Variants in MFHAS1 observed in about 807,000 individuals in gnomAD.
The protein encoded by MFHAS1 is multifunctional ROCO family signaling regulator 1.
In MFHAS1, 50 loss-of-function variants were observed where a neutral mutation model predicts 70.4. That is an observed-to-expected ratio of 0.71 (90% CI 0.57 to 0.90). MFHAS1 has a LOEUF of 0.90. Among genes scored for constraint, MFHAS1 ranks in the 40% least tolerant of loss-of-function variants. The pLI is 0.00. For missense variants in MFHAS1, 1,795 were observed against 1,347.6 expected, an observed-to-expected ratio of 1.33 and a Z score of -5.20; for synonymous variants, 952 against 620.0, an observed-to-expected ratio of 1.54 and a Z score of -7.96.
At chr8:8,862,158 A>G (rs77625846) in intron 1 of MFHAS1, among the ~76,000 whole-genome samples, 3,927 of 152,310 alleles carry the variant, frequency 0.026, 174 homozygotes, top group African/African-American at 0.09. Flanking sequence ...GCAGCGTAGG[A>G]AAGCTCCAGT....
chr8:8,827,230 T>C (rs1024288434), intron 1 of MFHAS1, among the ~76,000 whole-genome samples: 10 of 152,246 alleles, frequency 6.6e-5, no homozygotes, highest in African/African-American at 2.2e-4. Flanking sequence ...TTTGCTAGTA[T>C]AAATGCTATT....
intron 1 of MFHAS1, among the ~76,000 whole-genome samples, chr8:8,827,858 T>A (rs1305755725): frequency 1.3e-5 from 2 of 152,232 alleles, no homozygotes; most frequent in Non-Finnish European, 2.9e-5. Flanking sequence ...GTCTAATAAT[T>A]TTTATGAGTT....
rs779997040 is a variant in MFHAS1, at chr8:8,891,520, A to T, written c.1539T>A (p.Pro513=). The T allele has an allele frequency of 6.2e-7, 1 of 1,612,940 alleles. No homozygotes were observed. Among genetic ancestry groups the T allele is most frequent in the Non-Finnish European group, 8.5e-7 (1 of 1,180,022 alleles). The change falls in exon 1 of 3, where the codon CCT becomes CCA. Residue 513 remains proline (P), a synonymous_variant. Transcript: ENST00000276282. This position sits in a 1 kb window ranked among gnomAD's most constrained non-coding sequence, Gnocchi z 5.4. ...NLATYEPRHF[P]TTVGSFLHRV... ...GATGCAAGAAGGAGCCCACGGTGGT[A>T]GGAAAGTGGCGAGGCTCATAGGTGG...
In MFHAS1 at chr8:8,843,489, G is replaced by A. The variant is rs796482414; in HGVS notation, c.2999-45998C>T. Among the ~76,000 whole-genome samples the A allele has an allele frequency of 3.3e-5, 5 of 152,350 alleles. 1 individual carries two copies. Among genetic ancestry groups the A allele is most frequent in the African/African-American group, 1.2e-4 (5 of 41,582 alleles). ...CCAGCTACTCAGGATGCTGAAGCAGGAGGATGGATTGAGCCCAGGAGGTTA... is the reference window on the plus strand; with the variant it reads ...CCAGCTACTCAGGATGCTGAAGCAGAAGGATGGATTGAGCCCAGGAGGTTA... On this transcript the variant is annotated intron_variant, in intron 1 of 2. Coordinates refer to ENST00000276282, the MANE Select transcript of MFHAS1 (RefSeq NM_004225.3).
intron 1 of MFHAS1, among the ~76,000 whole-genome samples, chr8:8,816,393 G>A (rs1406413754): frequency 2.0e-5 from 3 of 152,254 alleles, no homozygotes; most frequent in Admixed American, 6.5e-5. Flanking sequence ...TTGGGGTTAT[G>A]GCATGACCAT....
At chr8:8,872,002 G>A (rs370960851) in intron 1 of MFHAS1, among the ~76,000 whole-genome samples, 5 of 152,172 alleles carry the variant, frequency 3.3e-5, no homozygotes, top group East Asian at 3.8e-4. Flanking sequence ...CCAGAAATGA[G>A]CTAAATCAAA....
chr8:8,785,802 C>T lies in MFHAS1; in HGVS notation c.*220G>A. ...CTTGGAGGATCACAGTTCTGAGGTT[C>T]AGGTTGTAAAACATTTGCTCCATGT... On this transcript the variant is annotated 3_prime_UTR_variant, in exon 3 of 3. Coordinates refer to ENST00000276282, the MANE Select transcript of MFHAS1 (RefSeq NM_004225.3). 2 of 476,970 alleles carry T rather than the reference C, an allele frequency of 4.2e-6. No individual in the cohort carries two copies. The highest frequency in any genetic ancestry group is 7.6e-6 in the Non-Finnish European group (2 of 263,942). The allele number at this position is 476,970 out of a possible 1,614,324, so 29.5% of individuals were successfully genotyped here. A position where few individuals can be genotyped will look rare whatever the true frequency, so the allele number is the denominator to read the frequency against.
At chr8:8,874,100 T>C (rs1809195302) in intron 1 of MFHAS1, among the ~76,000 whole-genome samples, 1 of 152,118 alleles carries the variant, frequency 6.6e-6, no homozygotes, top group Non-Finnish European at 1.5e-5. Flanking sequence ...ACCACTTTGA[T>C]TTAGAGATTT....
chr8:8,889,515 T>C (rs1013603076), intron 1 of MFHAS1, among the ~76,000 whole-genome samples: 7 of 152,236 alleles, frequency 4.6e-5, no homozygotes, highest in African/African-American at 1.2e-4. Context: ...AGGGGATGGA[T>C]ACCGCATTTT....
intron 1 of MFHAS1, among the ~76,000 whole-genome samples, chr8:8,878,511 G>A (rs1809382432): frequency 6.6e-6 from 1 of 152,084 alleles, no homozygotes; most frequent in South Asian, 2.1e-4. Context: ...AGACTGATGT[G>A]ATGATTAACA....
chr8:8,869,908 T>C (rs1381785770), intron 1 of MFHAS1, among the ~76,000 whole-genome samples: 2 of 152,144 alleles, frequency 1.3e-5, no homozygotes, highest in South Asian at 2.1e-4. Flanking sequence ...TGGGGGCCTC[T>C]ATTGTTTATT....
chr8:8,891,495 G>A lies in MFHAS1; in HGVS notation c.1564C>T (p.Arg522Trp), dbSNP rs1810034059. Residue 522 changes from arginine (R) to tryptophan (W), a missense_variant, in exon 1 of 3, where the codon CGG becomes TGG. By Grantham distance (101) the Arg-to-Trp change is moderately radical (BLOSUM62 -3). Transcript: ENST00000276282. This position sits in a 1 kb window ranked among gnomAD's most constrained non-coding sequence, Gnocchi z 5.4. The part of the protein sequence containing the change: ...FPTTVGSFLH[R>W]VGARVPHAVV... ...GCGTGGGGCACTCTCGCCCCGACCC[G>A]ATGCAAGAAGGAGCCCACGGTGGTA... The A allele has an allele frequency of 1.2e-6, 2 of 1,613,094 alleles. No individual in the cohort carries two copies. Among genetic ancestry groups the A allele is most frequent in the Admixed American group, 1.7e-5 (1 of 60,034 alleles).
At chr8:8,877,055 T>C (rs1007506615) in intron 1 of MFHAS1, among the ~76,000 whole-genome samples, 1 of 152,096 alleles carries the variant, frequency 6.6e-6, no homozygotes, top group African/African-American at 2.4e-5. Flanking sequence ...ATCCCAGCAC[T>C]TTGAGAGGCC....
chr8:8,877,321 C>A lies in MFHAS1; in HGVS notation c.2998+12740G>T, dbSNP rs1459938198. 2.8e-3 allele frequency among the ~76,000 whole-genome samples: 133 copies of A among 46,818 alleles called. 1 individual carries two copies. The highest frequency in any genetic ancestry group is 6.8e-3 in the East Asian group (9 of 1,318). 30.7% of individuals were successfully genotyped at this position (46,818 alleles called of 152,430 possible). On this transcript the variant is annotated intron_variant, in intron 1 of 2. Transcript: ENST00000276282. ...TGCCTCAAAAAAAAAAAAAAAAAAA[C>A]TACGGTGTTCCATTAATGCAAATTT...
At chr8:8,827,141 G>A (rs1479650970) in intron 1 of MFHAS1, among the ~76,000 whole-genome samples, 2 of 152,150 alleles carry the variant, frequency 1.3e-5, no homozygotes, top group East Asian at 1.9e-4. Context: ...TAGTTAGTAC[G>A]TAGAGAATTG....
chr8:8,867,846 C>T (rs968790047), intron 1 of MFHAS1, among the ~76,000 whole-genome samples: 6 of 152,048 alleles, frequency 3.9e-5, no homozygotes, highest in African/African-American at 1.4e-4. Context: ...CGTGAGCCAC[C>T]GTGCCTGGCC....
At chr8:8,853,056 T>G (rs942387589) in intron 1 of MFHAS1, among the ~76,000 whole-genome samples, 1 of 152,194 alleles carries the variant, frequency 6.6e-6, no homozygotes, top group African/African-American at 2.4e-5. Flanking sequence ...CAGCAGCAAC[T>G]GCCTGGCTCA....
At position 8,892,148 on chromosome 8, in the gene MFHAS1, C is replaced by G. The variant is rs1189012772; in HGVS notation, c.911G>C (p.Ser304Thr). The G allele has an allele frequency of 1.2e-6, 2 of 1,611,484 alleles. No homozygotes were observed. Among genetic ancestry groups the G allele is most frequent in the Admixed American group, 1.7e-5 (1 of 60,020 alleles). ...PLAGLEELYL[S>T]RNQLTSVPSL... The stretch of plus-strand genomic sequence containing the variant: ...TGGCACCGAGGTGAGCTGGTTGCGA[C>G]TAAGGTAGAGCTCCTCCAGACCAGC... The change falls in exon 1 of 3, where the codon AGT (serine) becomes ACT (threonine). Residue 304 changes from serine to threonine, a missense_variant. Coordinates refer to ENST00000276282, the MANE Select transcript of MFHAS1 (RefSeq NM_004225.3). The surrounding 1 kb of genome is among the most constrained non-coding windows in gnomAD (Gnocchi z 4.7).
At chr8:8,806,408 T>C (rs892927218) in intron 1 of MFHAS1, among the ~76,000 whole-genome samples, 2 of 152,168 alleles carry the variant, frequency 1.3e-5, no homozygotes, top group Non-Finnish European at 2.9e-5. Context: ...TTACGTGGCA[T>C]GCATTAATAT....
Sources: allele counts gnomAD v4.1 joint callset (sites outside exome capture counted in the v4.1 genomes callset), GRCh38; gene constraint gnomAD v4.1.1; non-coding constraint Gnocchi (gnomAD v3.1); transcripts MANE v1.5; gene names NCBI Gene and HGNC (gene_info 2026-07-23, HGNC 2026-07-21).